TTLL5: variants seen among roughly 807,000 people sequenced by gnomAD.
TTLL5 encodes the protein tubulin tyrosine ligase like 5, also known as tubulin polyglutamylase TTLL5.
A neutral mutation model predicts 168.4 loss-of-function variants in TTLL5; 132 were observed. That is an observed-to-expected ratio of 0.78 (90% CI 0.68 to 0.91). The LOEUF is 0.91. Ranked by LOEUF, TTLL5 falls within the 40% of genes least tolerant of loss-of-function variation. TTLL5 has a pLI of 0.00. For synonymous variants in TTLL5, 546 were observed against 558.6 expected, an observed-to-expected ratio of 0.98 and a Z score of 0.32; for missense variants, 1,545 against 1,581.5, an observed-to-expected ratio of 0.98 and a Z score of 0.39.
intron 29 of TTLL5, among the ~76,000 whole-genome samples, chr14:75,871,789 T>G (rs2031056772): frequency 6.6e-6 from 1 of 152,198 alleles, no homozygotes; most frequent in African/African-American, 2.4e-5. Flanking sequence ...GAAAAATACT[T>G]AATGAATATG....
intron 31 of TTLL5, among the ~76,000 whole-genome samples, chr14:75,912,604 G>C (rs1338945123): frequency 6.6e-6 from 1 of 152,096 alleles, no homozygotes; most frequent in East Asian, 1.9e-4. Flanking sequence ...TTCCTAATAG[G>C]CAGGGCAAAC....
chr14:75,757,911 T>C, intron 18 of TTLL5: 1 of 1,573,484 alleles, frequency 6.4e-7, no homozygotes, highest in South Asian at 1.2e-5. Flanking sequence ...TCCATGTGCA[T>C]AATGTGTGAC....
intron 31 of TTLL5, among the ~76,000 whole-genome samples, chr14:75,927,492 G>GA (rs2034115135): frequency 6.6e-6 from 1 of 151,786 alleles, no homozygotes; most frequent in Non-Finnish European, 1.5e-5. Flanking sequence ...AAAGTAAGAG[G>GA]AAAAAAAAGC....
rs970564297 is a variant in TTLL5 at position 75,768,589 on chromosome 14, A to G, written c.2015+2221A>G. Among the ~76,000 whole-genome samples the G allele has an allele frequency of 2.6e-5, 4 of 152,076 alleles. 1 individual carries two copies. The highest frequency in any genetic ancestry group is 9.7e-5 in the African/African-American group (4 of 41,398). The stretch of plus-strand genomic sequence containing the variant: ...GGATTAGAAATGCAGAAATGGACAT[A>G]TTGGTAGAGAAGAGTACTAAAGGAA... On this transcript the variant is annotated intron_variant, in intron 20 of 31. Coordinates refer to ENST00000298832, the MANE Select transcript of TTLL5 (RefSeq NM_015072.5).
intron 20 of TTLL5, among the ~76,000 whole-genome samples, chr14:75,770,612 C>T (rs1891247002): frequency 6.6e-6 from 1 of 152,254 alleles, no homozygotes; most frequent in African/African-American, 2.4e-5. Flanking sequence ...CTGCCATGAA[C>T]AGCAGCTGAG....
intron 27 of TTLL5, among the ~76,000 whole-genome samples, chr14:75,812,874 GGGCTGGGGCTGT>G: frequency 6.6e-6 from 1 of 152,228 alleles, no homozygotes; most frequent in East Asian, 1.9e-4. Context: ...GCTGGGGCTG[GGGCTGGGGCTGT>G]GGCTGGGCCA....
At chr14:75,686,824 G>GT (rs1885094399) in intron 5 of TTLL5, among the ~76,000 whole-genome samples, 1 of 151,938 alleles carries the variant, frequency 6.6e-6, no homozygotes, top group African/African-American at 2.4e-5. Flanking sequence ...GAGTACTGGT[G>GT]TTTTTTTCAC....
chr14:75,720,764 AT>A, intron 12 of TTLL5, 61 bp downstream of exon 12: 2 of 1,383,702 alleles, frequency 1.4e-6, no homozygotes, highest in Non-Finnish European at 1.0e-6. Flanking sequence ...GTTGGACGGG[AT>A]TTTAGGGTAG....
intron 23 of TTLL5, among the ~76,000 whole-genome samples, 175 bp from the exon 24 acceptor site, chr14:75,779,400 A>T (rs1891914948): frequency 6.6e-6 from 1 of 152,188 alleles, no homozygotes; most frequent in Non-Finnish European, 1.5e-5. Context: ...TATGCTTTAA[A>T]TTTTTTAGAT....
At chr14:75,908,373 C>T (rs2033233391) in intron 31 of TTLL5, among the ~76,000 whole-genome samples, 2 of 59,468 alleles carry the variant, frequency 3.4e-5, no homozygotes, top group South Asian at 1.2e-3. Context: ...AGGCAGAACC[C>T]CACAGGCCTC....
At chr14:75,685,208 C>A (rs9323615) in intron 5 of TTLL5, among the ~76,000 whole-genome samples, 1 of 151,708 alleles carries the variant, frequency 6.6e-6, no homozygotes, top group African/African-American at 2.4e-5. Flanking sequence ...CATGGCAAAA[C>A]CCCGGCTCTA....
At chr14:75,725,700 C>G (rs1888149356) in intron 12 of TTLL5, among the ~76,000 whole-genome samples, 1 of 152,124 alleles carries the variant, frequency 6.6e-6, no homozygotes. Context: ...TCCCTCTGCT[C>G]TCCCGTAACT....
chr14:75,783,123 C>T (rs748637016), intron 25 of TTLL5, 24 bp from the exon 26 acceptor site: 1 of 1,574,682 alleles, frequency 6.4e-7, no homozygotes, highest in East Asian at 2.2e-5. Context: ...ATAATGATGT[C>T]TTGTTTTGTT....
At chr14:75,806,104 C>T (rs1448673976) in intron 27 of TTLL5, among the ~76,000 whole-genome samples, 1 of 151,278 alleles carries the variant, frequency 6.6e-6, no homozygotes, top group Non-Finnish European at 1.5e-5. Flanking sequence ...GATCTCAGCT[C>T]ACTACAATCT....
intron 27 of TTLL5, among the ~76,000 whole-genome samples, chr14:75,809,060 A>G (rs1893825390): frequency 6.6e-6 from 1 of 152,030 alleles, no homozygotes; most frequent in Non-Finnish European, 1.5e-5. Context: ...GGATAATATG[A>G]ATGCACATTT....
rs1594923727 is a variant in TTLL5, at chr14:75,720,808, A to G, written c.1042+105A>G. 8.9e-6 allele frequency: 8 copies of G among 898,070 alleles called. No individual in the cohort carries two copies. In the East Asian group the frequency reaches 1.7e-4, roughly 19 times the overall value. 55.6% of individuals were successfully genotyped at this position (898,070 alleles called of 1,614,324 possible). A position where few individuals can be genotyped will look rare whatever the true frequency, so the allele number is the denominator to read the frequency against. On this transcript the variant is annotated intron_variant, in intron 12 of 31. Coordinates refer to ENST00000298832, the MANE Select transcript of TTLL5 (RefSeq NM_015072.5). ...TAGTGATTCTATAGCAGTAAGAGGT[A>G]TGTGATGGACTCTTCTTTCTAAGCT... is the stretch of plus-strand genomic sequence containing the variant.
intron 28 of TTLL5, among the ~76,000 whole-genome samples, chr14:75,849,151 A>G (rs1896711683): frequency 6.6e-6 from 1 of 152,210 alleles, no homozygotes; most frequent in Non-Finnish European, 1.5e-5. Flanking sequence ...AAATCAAAGT[A>G]AAGTTAGCCA....
At chr14:75,720,316 T>C (rs972719733) in intron 11 of TTLL5, among the ~76,000 whole-genome samples, 11 of 152,288 alleles carry the variant, frequency 7.2e-5, no homozygotes, top group Admixed American at 1.3e-4. Flanking sequence ...GAAAGGGTCA[T>C]AGGGGAAGTG....
At chr14:75,920,313 G>A (rs908677197) in intron 31 of TTLL5, among the ~76,000 whole-genome samples, 3 of 152,004 alleles carry the variant, frequency 2.0e-5, no homozygotes, top group South Asian at 4.2e-4. Context: ...AGTGCACAAC[G>A]TGTAGGTTTG....
Sources: gnomAD v4.1 joint callset for allele counts (sites outside exome capture counted in the v4.1 genomes callset) on GRCh38, gnomAD v4.1.1 for gene constraint, MANE v1.5 for transcripts, NCBI Gene and HGNC (gene_info 2026-07-23, HGNC 2026-07-21) for gene names.